Variants in GMDS observed in about 807,000 individuals in gnomAD.
GMDS encodes GDP-mannose 4,6-dehydratase.
GMDS carries 20 observed loss-of-function variants against 49.9 expected under a neutral mutation model. The observed-to-expected ratio is 0.40, with a 90% CI of 0.28 to 0.58. The LOEUF (loss-of-function observed/expected upper bound fraction) is 0.58. GMDS is among the 20% of genes least tolerant of loss of function. GMDS has a pLI of 0.42. For missense variants in GMDS, 362 were observed against 481.4 expected, an observed-to-expected ratio of 0.75 and a Z score of 2.32; for synonymous variants, 177 against 178.6, an observed-to-expected ratio of 0.99 and a Z score of 0.07.
intron 7 of GMDS, among the ~76,000 whole-genome samples, chr6:1,872,471 C>A (rs1025400684): frequency 6.6e-6 from 1 of 152,190 alleles, no homozygotes; most frequent in African/African-American, 2.4e-5. Context: ...TTTCCCCAAT[C>A]GCTCTGTCAG....
intron 9 of GMDS, among the ~76,000 whole-genome samples, chr6:1,656,908 C>T (rs914680856): frequency 1.3e-5 from 2 of 152,120 alleles, no homozygotes; most frequent in Non-Finnish European, 1.5e-5. Context: ...GCCTCTTCCC[C>T]AGGAGGCAAT....
chr6:1,920,128 T>G (rs1761643620), intron 7 of GMDS, among the ~76,000 whole-genome samples: 1 of 152,346 alleles, frequency 6.6e-6, no homozygotes, highest in Non-Finnish European at 1.5e-5. Context: ...ATAAAATGTG[T>G]TTCTTTGCTT....
chr6:2,212,200 G>A (rs988447107), intron 1 of GMDS, among the ~76,000 whole-genome samples: 1 of 152,180 alleles, frequency 6.6e-6, no homozygotes, highest in African/African-American at 2.4e-5. Flanking sequence ...TTTAACATAT[G>A]AATTCAATTA....
intron 9 of GMDS, among the ~76,000 whole-genome samples, chr6:1,692,858 G>C (rs1381808647): frequency 6.6e-6 from 1 of 152,160 alleles, no homozygotes; most frequent in Non-Finnish European, 1.5e-5. Flanking sequence ...GTTCTGGGTT[G>C]ATTTTGATTG....
At chr6:2,154,863 C>CAAAAAAAAAA (rs70992124) in intron 1 of GMDS, among the ~76,000 whole-genome samples, 12 of 65,624 alleles carry the variant, frequency 1.8e-4, no homozygotes, top group South Asian at 8.5e-4. Context: ...TGAAGAGATG[C>CAAAAAAAAAA]AAAAAAAAAA....
chr6:1,877,644 TAAAAAAA>T (rs60037634), intron 7 of GMDS, among the ~76,000 whole-genome samples: 10 of 90,540 alleles, frequency 1.1e-4, no homozygotes, highest in African/African-American at 2.5e-4. Flanking sequence ...TCTCAAAAAT[TAAAAAAA>T]AAAAAAAAAA....
At chr6:2,230,021 C>CTA (rs1561674838) in intron 1 of GMDS, among the ~76,000 whole-genome samples, 56 of 132,302 alleles carry the variant, frequency 4.2e-4, no homozygotes, top group Middle Eastern at 4.0e-3. Flanking sequence ...GAAGACCTCC[C>CTA]TCCAGAGTCC....
At chr6:1,969,261 CAAAAAAAAAA>C (rs761741871) in intron 4 of GMDS, among the ~76,000 whole-genome samples, 45 of 14,096 alleles carry the variant, frequency 3.2e-3, no homozygotes, top group South Asian at 0.01. Flanking sequence ...GGCTCCATCT[CAAAAAAAAAA>C]AAAAAAAAAA....
chr6:1,725,721 T>G (rs564692498), intron 9 of GMDS, among the ~76,000 whole-genome samples: 10 of 152,348 alleles, frequency 6.6e-5, no homozygotes, highest in African/African-American at 2.4e-4. Flanking sequence ...CATGAGCCAC[T>G]GTGCCTGGCC....
chr6:2,080,708 G>C (rs537259863), intron 4 of GMDS, among the ~76,000 whole-genome samples: 2 of 152,246 alleles, frequency 1.3e-5, no homozygotes, highest in South Asian at 2.1e-4. Context: ...TAGCAGCAGT[G>C]GGTTGAGCAT....
At chr6:1,965,844 G>A (rs1177184969) in intron 4 of GMDS, among the ~76,000 whole-genome samples, 3 of 151,364 alleles carry the variant, frequency 2.0e-5, no homozygotes, top group Non-Finnish European at 2.9e-5. Flanking sequence ...ATGAAACGTA[G>A]GTTAAAAAAA....
intron 4 of GMDS, among the ~76,000 whole-genome samples, chr6:1,992,182 T>C (rs187573497): frequency 3.0e-4 from 45 of 152,190 alleles, no homozygotes; most frequent in Admixed American, 2.9e-3. Context: ...CCCCAAGGGG[T>C]ATTTCTAGCC....
At chr6:1,664,411 A>G (rs1045550362) in intron 9 of GMDS, among the ~76,000 whole-genome samples, 2 of 152,276 alleles carry the variant, frequency 1.3e-5, no homozygotes, top group Admixed American at 1.3e-4. Flanking sequence ...GTGTTCTTAC[A>G]ACTTCATCGT....
chr6:2,017,657 T>C (rs993733370), intron 4 of GMDS, among the ~76,000 whole-genome samples: 10 of 152,134 alleles, frequency 6.6e-5, no homozygotes, highest in East Asian at 5.8e-4. Context: ...CCAACCCCCA[T>C]TGCAGTCAAA....
In GMDS at chr6:1,860,381, G is replaced by T. The variant is rs147392642; in HGVS notation, c.771+69722C>A. 4.6e-3 allele frequency among the ~76,000 whole-genome samples: 704 copies of T among 152,208 alleles called. 4 individuals carry two copies. Among genetic ancestry groups the T allele is most frequent in the African/African-American group, 0.016 (664 of 41,528 alleles). Reference sequence around the variant, plus strand: ...AGACAGACTCCAAAAGTTACCCAGAGGATTATTCCATTTATATGATATCCT... The same window carrying T: ...AGACAGACTCCAAAAGTTACCCAGATGATTATTCCATTTATATGATATCCT... On this transcript the variant is annotated intron_variant, in intron 7 of 10. Coordinates refer to ENST00000380815, the MANE Select transcript of GMDS (RefSeq NM_001500.4).
chr6:1,813,756 T>C (rs1770545309), intron 7 of GMDS, among the ~76,000 whole-genome samples: 1 of 152,212 alleles, frequency 6.6e-6, no homozygotes, highest in Non-Finnish European at 1.5e-5. Context: ...TGCTCATGTA[T>C]TATTTTTTTT....
intron 9 of GMDS, among the ~76,000 whole-genome samples, chr6:1,695,907 GTT>G (rs11366742): frequency 0.013 from 1,633 of 124,390 alleles, 34 homozygotes; most frequent in African/African-American, 0.042. Context: ...TTCTGTCTTG[GTT>G]TTTTTTTTTT....
chr6:2,044,882 C>CTGTG (rs147113585), intron 4 of GMDS, among the ~76,000 whole-genome samples: 6 of 150,354 alleles, frequency 4.0e-5, no homozygotes, highest in East Asian at 2.0e-4. Flanking sequence ...TTTTTCTTTT[C>CTGTG]TGTGTGTGTG....
chr6:2,148,407 TTTTG>T (rs886232034), intron 1 of GMDS, among the ~76,000 whole-genome samples: 13 of 152,068 alleles, frequency 8.5e-5, no homozygotes, highest in South Asian at 2.1e-4. Context: ...TCTATCAAGT[TTTTG>T]TTTGTTTGTT....
Sources: gnomAD v4.1 joint callset for allele counts (sites outside exome capture counted in the v4.1 genomes callset) on GRCh38, gnomAD v4.1.1 for gene constraint, MANE v1.5 for transcripts, NCBI Gene and HGNC (gene_info 2026-07-23, HGNC 2026-07-21) for gene names.